The following SV2C variants were observed in gnomAD, a reference collection of about 807,000 sequenced individuals.
SV2C encodes the protein solute carrier family 22 member B3.
Under a neutral mutation model 79.7 loss-of-function variants are expected in SV2C, and 49 were observed. The ratio of observed to expected loss-of-function variants is 0.61; its 90% CI spans 0.49 to 0.78. The LOEUF is 0.78. SV2C is among the 30% of genes least tolerant of loss of function. The pLI is 0.00. For missense variants in SV2C, 833 were observed against 912.9 expected (o/e 0.91, Z 1.13); for synonymous variants, 334 against 333.2 (o/e 1.00, Z -0.03).
chr5:76,136,592 A>G (rs908508804), intron 2 of SV2C, among the ~76,000 whole-genome samples: 36 of 152,250 alleles, frequency 2.4e-4, no homozygotes, highest in South Asian at 4.1e-4. Flanking sequence ...AGAGGGAACT[A>G]CCAGGCTTAC....
the SV2C span, among the ~76,000 whole-genome samples, chr5:75,879,811 T>C: frequency 6.6e-6 from 1 of 152,222 alleles, no homozygotes; most frequent in African/African-American, 2.4e-5. Flanking sequence ...CACATTGCCC[T>C]AGTAGAGTTT....
intron 4 of SV2C, among the ~76,000 whole-genome samples, chr5:76,239,935 C>T (rs1244357885): frequency 6.6e-6 from 1 of 152,202 alleles, no homozygotes; most frequent in Non-Finnish European, 1.5e-5. Flanking sequence ...TGCTTCCCTT[C>T]TTTGCAACAT....
chr5:75,972,940 A>G, the SV2C span, among the ~76,000 whole-genome samples: 1 of 152,130 alleles, frequency 6.6e-6, no homozygotes, highest in African/African-American at 2.4e-5. Context: ...ATGTCCAACA[A>G]TGATAGACTG....
At chr5:75,888,484 A>G in the SV2C span, among the ~76,000 whole-genome samples, 2 of 151,894 alleles carry the variant, frequency 1.3e-5, no homozygotes, top group Admixed American at 6.6e-5. Flanking sequence ...CACTTCCCCA[A>G]ATACACACAT....
chr5:76,225,304 A>G (rs1016580557), intron 4 of SV2C, among the ~76,000 whole-genome samples: 9 of 152,234 alleles, frequency 5.9e-5, no homozygotes, highest in African/African-American at 1.9e-4. Context: ...TTGAGGATAA[A>G]TTAAATTGCA....
chr5:76,135,310 A>G (rs1452740988), intron 2 of SV2C, among the ~76,000 whole-genome samples: 1 of 152,228 alleles, frequency 6.6e-6, no homozygotes, highest in Admixed American at 6.5e-5. Context: ...CCAATGGGCT[A>G]TTCCCCATTT....
intron 2 of SV2C, among the ~76,000 whole-genome samples, chr5:76,185,562 C>T (rs1743888174): frequency 6.6e-6 from 1 of 152,244 alleles, no homozygotes; most frequent in Non-Finnish European, 1.5e-5. Flanking sequence ...CCAGGCCCAA[C>T]ACCATGTGTA....
chr5:76,339,631 G>A (rs759800823), intron 12 of SV2C, among the ~76,000 whole-genome samples: 11 of 151,448 alleles, frequency 7.3e-5, no homozygotes, highest in Non-Finnish European at 1.3e-4. Context: ...GGAGAATGGC[G>A]TGAACCTGGG....
the SV2C span, among the ~76,000 whole-genome samples, chr5:76,055,570 CTG>C: frequency 6.2e-4 from 94 of 152,234 alleles, no homozygotes; most frequent in African/African-American, 2.1e-3. Flanking sequence ...AGCATTGAAT[CTG>C]TAAATTACTT....
At chr5:76,020,643 T>G in the SV2C span, among the ~76,000 whole-genome samples, 1 of 152,048 alleles carries the variant, frequency 6.6e-6, no homozygotes, top group Non-Finnish European at 1.5e-5. Context: ...ATGGTTGGAG[T>G]GTGACTACGA....
In SV2C at chr5:76,326,273, T is replaced by A. The variant is rs1193574929; in HGVS notation, c.*726T>A. The A allele has an allele frequency of 6.6e-6, 1 of 152,256 alleles. No individual in the cohort carries two copies. The highest frequency in any genetic ancestry group is 1.9e-4 in the East Asian group (1 of 5,202). 9.4% of individuals were successfully genotyped at this position (152,256 alleles called of 1,614,324 possible). ...TGTAACAGTATCTGTGACTGTGGCA[T>A]GTGGTTCAGAATGTTTGAAAATCAG... On this transcript the variant is annotated 3_prime_UTR_variant, in exon 13 of 13. Transcript: ENST00000502798.
At chr5:76,042,372 T>G in the SV2C span, among the ~76,000 whole-genome samples, 1 of 152,224 alleles carries the variant, frequency 6.6e-6, no homozygotes, top group South Asian at 2.1e-4. Context: ...ATACTCACTC[T>G]GTAGATTTGC....
At chr5:76,229,432 G>T (rs1455486669) in intron 4 of SV2C, among the ~76,000 whole-genome samples, 2 of 152,220 alleles carry the variant, frequency 1.3e-5, no homozygotes, top group Non-Finnish European at 2.9e-5. Flanking sequence ...GGCAGCCCAA[G>T]CTGTTGGCCC....
At chr5:75,987,606 ATT>A in the SV2C span, among the ~76,000 whole-genome samples, 1 of 152,030 alleles carries the variant, frequency 6.6e-6, no homozygotes, top group East Asian at 1.9e-4. Flanking sequence ...TTGAGTAGAT[ATT>A]GTTATTCAGA....
At chr5:75,911,391 T>C in the SV2C span, 10 of 1,158,372 alleles carry the variant, frequency 8.6e-6, no homozygotes, top group Non-Finnish European at 1.1e-5. Flanking sequence ...AGAGAACCTA[T>C]ATCCAGAGGA....
chr5:75,937,111 TA>T, the SV2C span, among the ~76,000 whole-genome samples: 15 of 152,346 alleles, frequency 9.8e-5, no homozygotes, highest in African/African-American at 3.4e-4. Context: ...TTTAAGACAT[TA>T]AAAACATTGA....
intron 12 of SV2C, among the ~76,000 whole-genome samples, chr5:76,341,350 CA>C (rs1428263828): frequency 6.6e-6 from 1 of 151,908 alleles, no homozygotes; most frequent in Non-Finnish European, 1.5e-5. Flanking sequence ...CCAGCCTGAA[CA>C]GCATCCATCT....
intron 2 of SV2C, among the ~76,000 whole-genome samples, chr5:76,134,657 G>C (rs1580295133): frequency 6.6e-6 from 1 of 152,150 alleles, no homozygotes; most frequent in Admixed American, 6.5e-5. Flanking sequence ...TTTGCTAAAA[G>C]ATTGACTTAA....
the SV2C span, among the ~76,000 whole-genome samples, chr5:75,847,612 T>C: frequency 6.6e-6 from 1 of 152,336 alleles, no homozygotes; most frequent in Non-Finnish European, 1.5e-5. Flanking sequence ...GGCTGAAAGT[T>C]CTGTTGATGT....
Sources: gnomAD v4.1 joint callset for allele counts (sites outside exome capture counted in the v4.1 genomes callset) on GRCh38, gnomAD v4.1.1 for gene constraint, MANE v1.5 for transcripts, NCBI Gene and HGNC (gene_info 2026-07-23, HGNC 2026-07-21) for gene names.